The following TET2 variants were observed in gnomAD, a reference collection of about 807,000 sequenced individuals.
TET2 encodes methylcytosine dioxygenase TET2.
Under a neutral mutation model 142.9 loss-of-function variants are expected in TET2, and 299 were observed. The observed-to-expected ratio is 2.09, with a 90% confidence interval of 1.90 to 2.30. The LOEUF (loss-of-function observed/expected upper bound fraction) is 2.30. TET2 is among the 30% of genes most tolerant of loss of function. TET2 has a pLI of 0.00. For synonymous variants in TET2, 819 were observed against 849.0 expected (o/e 0.96, Z 0.61); for missense variants, 2,418 against 2,378.0 (o/e 1.02, Z -0.35).
chr4:105,258,137 C>A (rs1351827565), intron 6 of TET2, among the ~76,000 whole-genome samples: 1 of 152,164 alleles, frequency 6.6e-6, no homozygotes, highest in Non-Finnish European at 1.5e-5. Flanking sequence ...CACTGAAATC[C>A]TGTCTTTTTT....
At chr4:105,212,661 CT>C (rs995041335) in intron 2 of TET2, among the ~76,000 whole-genome samples, 8 of 152,142 alleles carry the variant, frequency 5.3e-5, no homozygotes, top group Admixed American at 3.9e-4. Flanking sequence ...TGATATTAGT[CT>C]CTTTTAATTT....
chr4:105,243,477 T>A, intron 5 of TET2, 93 bp from the exon 6 acceptor site: 1 of 1,089,370 alleles, frequency 9.2e-7, no homozygotes, highest in Non-Finnish European at 1.4e-6. Flanking sequence ...TGATAAAATA[T>A]ACATACATAA....
intron 2 of TET2, among the ~76,000 whole-genome samples, chr4:105,225,543 A>C (rs1424487869): frequency 2.0e-5 from 3 of 152,126 alleles, no homozygotes; most frequent in Non-Finnish European, 2.9e-5. Context: ...AGAAGAAATG[A>C]AGTTAAATTT....
At chr4:105,242,626 A>G in intron 4 of TET2, 4 of 1,318,442 alleles carry the variant, frequency 3.0e-6, no homozygotes, top group Non-Finnish European at 3.9e-6. Flanking sequence ...CATTACAATT[A>G]TCTGTACATT....
chr4:105,154,042 A>G lies in TET2; in HGVS notation c.-193+7063A>G, dbSNP rs561850393. Reference sequence around the variant, plus strand: ...GAATCTGAGAGGCACAAGAAAGGCCACATATGATATGCTTTCAATTTTAAG... The same window carrying G: ...GAATCTGAGAGGCACAAGAAAGGCCGCATATGATATGCTTTCAATTTTAAG... On this transcript the variant is annotated intron_variant, in intron 1 of 10. Coordinates refer to ENST00000380013, the MANE Select transcript of TET2 (RefSeq NM_001127208.3). Among the ~76,000 whole-genome samples the G allele has an allele frequency of 3.9e-5, 6 of 152,352 alleles. No homozygotes were observed. In the East Asian group the frequency reaches 1.2e-3, roughly 29 times the overall value.
intron 8 of TET2, among the ~76,000 whole-genome samples, chr4:105,267,202 G>T (rs1190067483): frequency 6.6e-6 from 1 of 151,694 alleles, no homozygotes; most frequent in East Asian, 1.9e-4. Context: ...TACAAAAGCT[G>T]AAAGAATTCA....
chr4:105,150,906 G>A (rs1310672217), intron 1 of TET2, among the ~76,000 whole-genome samples: 1 of 152,204 alleles, frequency 6.6e-6, no homozygotes, highest in Non-Finnish European at 1.5e-5. Context: ...AAAGAATTAT[G>A]TATGTCTGCT....
Position 105,237,341 on chromosome 4 carries a change from C to A in TET2, c.3399C>A (p.Cys1133Ter). Residue 1133 changes from cysteine to a stop codon, truncating the protein, a stop_gained, in exon 3 of 11, where the codon TGC becomes TGA. Coordinates refer to ENST00000380013, the MANE Select transcript of TET2 (RefSeq NM_001127208.3). LOFTEE classifies it high-confidence loss of function. ...PVKTQYDFPS[C>*]RCVEQIIEKD... ...AGACTCAATATGATTTCCCATCTTG[C>A]AGATGTGTAGGTAAGTGCCAGAAAT... The A allele has an allele frequency of 1.2e-6, 2 of 1,614,088 alleles. No homozygotes were observed. Among genetic ancestry groups the A allele is most frequent in the Non-Finnish European group, 1.7e-6 (2 of 1,179,978 alleles).
chr4:105,204,329 C>T (rs1726687806), intron 2 of TET2, among the ~76,000 whole-genome samples: 2 of 151,690 alleles, frequency 1.3e-5, no homozygotes, highest in Non-Finnish European at 2.9e-5. Flanking sequence ...AAGCATCTCT[C>T]TTCCTCAAGG....
chr4:105,198,877 TA>T (rs1726262752), intron 2 of TET2, among the ~76,000 whole-genome samples: 1 of 152,172 alleles, frequency 6.6e-6, no homozygotes, highest in South Asian at 2.1e-4. Context: ...AGTTACACTA[TA>T]TTAGAGCTTG....
Position 105,275,235 on chromosome 4 carries a change from A to G in TET2, c.4725A>G (p.Pro1575=), listed in dbSNP as rs1423454919. The G allele has an allele frequency of 4.5e-6, 7 of 1,552,236 alleles. No individual in the cohort carries two copies. Among genetic ancestry groups the G allele is most frequent in the Non-Finnish European group, 6.1e-6 (7 of 1,147,126 alleles). ...ATCCATACATGAGACGGCCCAATCCAGTTAGTCCTTATCCAAACTCTTCAC... is the reference window on the plus strand; with the variant it reads ...ATCCATACATGAGACGGCCCAATCCGGTTAGTCCTTATCCAAACTCTTCAC... ...STNPYMRRPN[P]VSPYPNSSHT... The change falls in exon 11 of 11, where the codon CCA becomes CCG. Residue 1575 remains proline, a synonymous_variant. Coordinates refer to ENST00000380013, the MANE Select transcript of TET2 (RefSeq NM_001127208.3).
At chr4:105,156,924 C>G (rs4698933) in intron 1 of TET2, among the ~76,000 whole-genome samples, 9,193 of 152,222 alleles carry the variant, frequency 0.06, 363 homozygotes, top group Non-Finnish European at 0.087. Flanking sequence ...TGTTTGAAGT[C>G]TCTTGCTTTG....
At chr4:105,211,089 C>T (rs538683455) in intron 2 of TET2, among the ~76,000 whole-genome samples, 2 of 152,302 alleles carry the variant, frequency 1.3e-5, no homozygotes, top group Non-Finnish European at 2.9e-5. Flanking sequence ...TTTCTCTTCT[C>T]CTCAGCTATA....
rs1196627799 is a variant in TET2, at chr4:105,236,396, T to C, written c.2454T>C (p.Pro818=). 1 of 1,613,920 alleles carries C rather than the reference T, an allele frequency of 6.2e-7. No individual in the cohort carries two copies. The highest frequency in any genetic ancestry group is 1.3e-5 in the African/African-American group (1 of 74,930). Residue 818 remains proline, a synonymous_variant, in exon 3 of 11, where the codon CCT becomes CCC. Coordinates refer to ENST00000380013, the MANE Select transcript of TET2 (RefSeq NM_001127208.3). ...AGAATATAAATCGTAGAAATTCCCCTTATAGTCAGACCATGAAATCAAGTG... is the reference window on the plus strand; with the variant it reads ...AGAATATAAATCGTAGAAATTCCCCCTATAGTCAGACCATGAAATCAAGTG... ...EVQNINRRNS[P]YSQTMKSSAC... is the part of the protein sequence containing the mutation.
chr4:105,245,871 T>C (rs1487456225), intron 6 of TET2, among the ~76,000 whole-genome samples: 2 of 152,194 alleles, frequency 1.3e-5, no homozygotes, highest in African/African-American at 2.4e-5. Context: ...AAAATGATAG[T>C]TTTAAAATTT....
chr4:105,272,251 T>C (rs1730996904), intron 9 of TET2, among the ~76,000 whole-genome samples: 1 of 152,164 alleles, frequency 6.6e-6, no homozygotes, highest in South Asian at 2.1e-4. Context: ...GTGCTTCATT[T>C]TGGGGGAGTG....
At chr4:105,263,821 TG>T (rs1439100830) in intron 8 of TET2, among the ~76,000 whole-genome samples, 1 of 152,028 alleles carries the variant, frequency 6.6e-6, no homozygotes, top group East Asian at 1.9e-4. Context: ...GAGAAGCCAA[TG>T]AAGTAAGAAC....
chr4:105,276,308 A>G lies in TET2; in HGVS notation c.5798A>G (p.Glu1933Gly). ...EKAREKEEEC[E>G]KYGPDYVPQK... is the part of the protein sequence containing the mutation. Reference sequence around the variant, plus strand: ...GCCCGTGAGAAAGAGGAAGAGTGTGAAAAGTATGGCCCAGACTATGTGCCT... The same window carrying G: ...GCCCGTGAGAAAGAGGAAGAGTGTGGAAAGTATGGCCCAGACTATGTGCCT... Residue 1933 changes from glutamate to glycine, a missense_variant, in exon 11 of 11, where the codon GAA (glutamate) becomes GGA (glycine). Glu to Gly is a moderately conservative substitution (Grantham distance 98). Coordinates refer to ENST00000380013, the MANE Select transcript of TET2 (RefSeq NM_001127208.3). 6.4e-7 allele frequency: 1 copy of G among 1,551,714 alleles called. No individual in the cohort carries two copies. The highest frequency in any genetic ancestry group is 8.7e-7 in the Non-Finnish European group (1 of 1,146,968).
At chr4:105,158,117 A>G (rs763036269) in intron 1 of TET2, among the ~76,000 whole-genome samples, 1 of 152,170 alleles carries the variant, frequency 6.6e-6, no homozygotes, top group Non-Finnish European at 1.5e-5. Context: ...TTTTACCAAC[A>G]TTTTTCAAGA....
Sources: gnomAD v4.1 joint callset for allele counts (sites outside exome capture counted in the v4.1 genomes callset) on GRCh38, gnomAD v4.1.1 for gene constraint, MANE v1.5 for transcripts, NCBI Gene and HGNC (gene_info 2026-07-23, HGNC 2026-07-21) for gene names.